HEATR5B: variants seen among roughly 807,000 people sequenced by gnomAD.
The protein encoded by HEATR5B is HEAT repeat containing 5B.
In HEATR5B, 156 loss-of-function variants were observed where a neutral mutation model predicts 224.1. That is an observed-to-expected ratio of 0.70 (90% CI 0.61 to 0.80). HEATR5B has a LOEUF of 0.80. Ranked by LOEUF, HEATR5B falls within the 30% of genes least tolerant of loss-of-function variation. HEATR5B has a pLI of 0.00. For synonymous variants in HEATR5B, 1,027 were observed against 893.0 expected (o/e 1.15, Z -2.68); for missense variants, 2,323 against 2,535.5 (o/e 0.92, Z 1.80).
In HEATR5B at chr2:37,002,480, T is replaced by G. The variant is rs1218154392; in HGVS notation, c.5143A>C (p.Thr1715Pro). 1 of 1,614,240 alleles carries G rather than the reference T, an allele frequency of 6.2e-7. No homozygotes were observed. The highest frequency in any genetic ancestry group is 8.5e-7 in the Non-Finnish European group (1 of 1,180,032). The part of the protein sequence containing the change: ...LIPGKSLVFA[T>P]MELLMFILVR... ...AAAATGAACATCAGCAGCTCCATAGTTGCAAACACAAGAGATTTTCCAGGA... is the reference window on the plus strand; with the variant it reads ...AAAATGAACATCAGCAGCTCCATAGGTGCAAACACAAGAGATTTTCCAGGA... The change falls in exon 32 of 36, where the codon ACT becomes CCT. Residue 1715 changes from threonine to proline, a missense_variant. Physicochemically the swap from Thr to Pro is conservative, Grantham distance 38. Coordinates refer to ENST00000233099, the MANE Select transcript of HEATR5B (RefSeq NM_019024.3).
chr2:37,059,816 A>G (rs1671167859), intron 12 of HEATR5B, among the ~76,000 whole-genome samples: 1 of 152,142 alleles, frequency 6.6e-6, no homozygotes, highest in Non-Finnish European at 1.5e-5. Context: ...ATATATATGT[A>G]TATAAACAAA....
chr2:37,020,596 T>G lies in HEATR5B; in HGVS notation c.4035+59A>C, dbSNP rs1366649688. On this transcript the variant is annotated intron_variant, in intron 25 of 35. Transcript: ENST00000233099. ...ATGCAGTCCTCCAGGAAGTCTGCAC[T>G]TCTTCAGCAATCTTTCAAAAGATCA... The G allele has an allele frequency of 1.4e-5, 19 of 1,320,914 alleles. No individual in the cohort carries two copies. The Admixed American group carries it at 3.7e-4, about 26-fold the overall frequency. The allele number at this position is 1,320,914 out of a possible 1,614,324, so 81.8% of individuals were successfully genotyped here. A position where few individuals can be genotyped will look rare whatever the true frequency, so the allele number is the denominator to read the frequency against.
chr2:37,075,648 CA>C lies in HEATR5B; in HGVS notation c.448-15del, dbSNP rs1672183023. ...TCGCCCTTGAGACTAGACATGTATA[CA>C]AAACAAAACTATTTTGTAAAATAAA... On this transcript the variant is annotated splice_polypyrimidine_tract_variant and intron_variant, in intron 4 of 35. Coordinates refer to ENST00000233099, the MANE Select transcript of HEATR5B (RefSeq NM_019024.3). 6.3e-7 allele frequency: 1 copy of C among 1,580,362 alleles called. No individual in the cohort carries two copies.
rs776379717 is a variant in HEATR5B, at chr2:37,002,545, C to T, written c.5078G>A (p.Cys1693Tyr). ...LNEDDMEKEA[C>Y]TVLGEGGDSG... ...GTCACCTCCTTCTCCCAATACGGTA[C>T]AGGCCTCTTTTTCCATATCATCTTC... Residue 1693 changes from cysteine to tyrosine, a missense_variant, in exon 32 of 36, where the codon TGT becomes TAT. Around this residue, in one of 12 missense-constraint regions of HEATR5B, gnomAD observed 844 missense variants for 812.9 expected, o/e 1.04. Coordinates refer to ENST00000233099, the MANE Select transcript of HEATR5B (RefSeq NM_019024.3). The T allele has an allele frequency of 4.9e-5, 79 of 1,614,020 alleles. No homozygotes were observed. Among genetic ancestry groups the T allele is most frequent in the Middle Eastern group, 1.6e-4 (1 of 6,084 alleles).
chr2:37,077,910 C>T (rs1269928893), intron 3 of HEATR5B, among the ~76,000 whole-genome samples: 1 of 152,120 alleles, frequency 6.6e-6, no homozygotes, highest in Non-Finnish European at 1.5e-5. Context: ...TAACAGAACA[C>T]TTGGAAGAAT....
chr2:37,077,169 C>A lies in HEATR5B; in HGVS notation c.339-150G>T, dbSNP rs149899551. 3.9e-5 allele frequency: 25 copies of A among 637,196 alleles called. 1 individual carries two copies. Among genetic ancestry groups the A allele is most frequent in the Admixed American group, 2.6e-4 (9 of 34,604 alleles). 39.5% of individuals were successfully genotyped at this position (637,196 alleles called of 1,614,324 possible). On this transcript the variant is annotated intron_variant, in intron 3 of 35. Coordinates refer to ENST00000233099, the MANE Select transcript of HEATR5B (RefSeq NM_019024.3). ...ATCAAAAACAATTTATGCTTCATAA[C>A]TGCAACAAATACTATACTCTATTTA...
Position 37,056,457 on chromosome 2 carries a change from A to G in HEATR5B, c.2382T>C (p.His794=). ...SVALFGVVFP[H]VSYKHRLQML... ...ATACTAACCGGTGTTTATAAGAAAC[A>G]TGAGGAAACACTACACCAAAAAGGG... The change falls in exon 16 of 36, where the codon CAT becomes CAC. Residue 794 remains histidine, a synonymous_variant. Transcript: ENST00000233099. 1 of 1,604,624 alleles carries G rather than the reference A, an allele frequency of 6.2e-7. No homozygotes were observed. The highest frequency in any genetic ancestry group is 8.5e-7 in the Non-Finnish European group (1 of 1,177,146).
chr2:37,002,325 T>G lies in HEATR5B; in HGVS notation c.5298A>C (p.Pro1766=). ...AATVTILSDL[P]SLCSPAGCMT... is the part of the protein sequence containing the mutation. ...CCGTACCAGCGGGTGAACAAAGGGATGGTAAATCAGAGAGTATGGTAACTG... is the reference window on the plus strand; with the variant it reads ...CCGTACCAGCGGGTGAACAAAGGGAGGGTAAATCAGAGAGTATGGTAACTG... The change falls in exon 32 of 36, where the codon CCA becomes CCC. Residue 1766 remains proline, a synonymous_variant. Coordinates refer to ENST00000233099, the MANE Select transcript of HEATR5B (RefSeq NM_019024.3). 1 of 1,614,240 alleles carries G rather than the reference T, an allele frequency of 6.2e-7. No homozygotes were observed. The highest frequency in any genetic ancestry group is 1.1e-5 in the South Asian group (1 of 91,090).
intron 18 of HEATR5B, among the ~76,000 whole-genome samples, chr2:37,047,435 G>GT (rs1670276262): frequency 6.6e-6 from 1 of 152,174 alleles, no homozygotes; most frequent in Non-Finnish European, 1.5e-5. Flanking sequence ...TTCTCAAAAA[G>GT]TAACAGGTTA....
intron 16 of HEATR5B, among the ~76,000 whole-genome samples, chr2:37,053,948 C>T (rs918640262): frequency 1.3e-5 from 2 of 151,330 alleles, no homozygotes; most frequent in African/African-American, 4.9e-5. Context: ...TATGTATCTC[C>T]GTGGAAGATT....
At chr2:37,006,920 G>T in intron 29 of HEATR5B, 130 bp downstream of exon 29, 1 of 766,886 alleles carries the variant, frequency 1.3e-6, no homozygotes. Flanking sequence ...ATAAGGTGAG[G>T]TGAAAAATCC....
At chr2:37,017,537 T>C (rs1668195394) in intron 26 of HEATR5B, among the ~76,000 whole-genome samples, 1 of 150,946 alleles carries the variant, frequency 6.6e-6, no homozygotes, top group Non-Finnish European at 1.5e-5. Flanking sequence ...ATACAAAAAA[T>C]TAGCTGGGCA....
intron 17 of HEATR5B, 49 bp downstream of exon 17, chr2:37,053,453 G>T: frequency 2.0e-6 from 2 of 982,864 alleles, no homozygotes; most frequent in South Asian, 1.7e-5. Context: ...CTTATTAAAT[G>T]CATTAATTAA....
chr2:37,033,260 T>C (rs550571126), intron 21 of HEATR5B, among the ~76,000 whole-genome samples: 18 of 152,298 alleles, frequency 1.2e-4, no homozygotes, highest in African/African-American at 3.8e-4. Context: ...AGTCAAATGA[T>C]GGCCTTTTGA....
rs61036576 is a variant in HEATR5B, at chr2:37,082,052, C to CTTTTTTTTTTTTTT, written c.126+1223_126+1236dup. ...ATCAGACATTTGAGGGAAGTATCTA[C>CTTTTTTTTTTTTTT]TTTTTTTTTTTTTTTTTTTTTTTTT... On this transcript the variant is annotated intron_variant, in intron 2 of 35. Coordinates refer to ENST00000233099, the MANE Select transcript of HEATR5B (RefSeq NM_019024.3). Among the ~76,000 whole-genome samples, 2 of 23,944 alleles carry CTTTTTTTTTTTTTT rather than the reference C, an allele frequency of 8.4e-5. 1 individual carries two copies. The highest frequency in any genetic ancestry group is 2.9e-4 in the African/African-American group (2 of 6,784). The allele number at this position is 23,944 out of a possible 152,430, so 15.7% of individuals were successfully genotyped here. A position where few individuals can be genotyped will look rare whatever the true frequency, so the allele number is the denominator to read the frequency against.
intron 21 of HEATR5B, among the ~76,000 whole-genome samples, chr2:37,037,050 T>A (rs564815336): frequency 1.6e-4 from 24 of 150,278 alleles, no homozygotes; most frequent in Non-Finnish European, 3.0e-4. Context: ...ATCTGATGAA[T>A]GAATAAATTA....
Position 37,007,112 on chromosome 2 carries a change from C to G in HEATR5B, c.4715G>C (p.Gly1572Ala). 6.2e-7 allele frequency: 1 copy of G among 1,614,068 alleles called. No individual in the cohort carries two copies. The highest frequency in any genetic ancestry group is 8.5e-7 in the Non-Finnish European group (1 of 1,179,972). ...STSVNLNQASGAVGSAKSLPE... is the reference protein window; with the variant it reads ...STSVNLNQASAAVGSAKSLPE... ...CAAAGATTTAGCACTACCCACTGCT[C>G]CTGATGCCTGGTTTAAATTGACAGA... is the stretch of plus-strand genomic sequence containing the variant. The change falls in exon 29 of 36, where the codon GGA becomes GCA. Residue 1572 changes from glycine (G) to alanine (A), a missense_variant. Physicochemically the swap from Gly to Ala is moderately conservative, Grantham distance 60. This residue lies in a region of HEATR5B where 844 missense variants were observed against 812.9 expected (regional missense o/e 1.04). Coordinates refer to ENST00000233099, the MANE Select transcript of HEATR5B (RefSeq NM_019024.3).
At position 37,008,689 on chromosome 2, in the gene HEATR5B, G is replaced by A. The variant is rs773883201; in HGVS notation, c.4444C>T (p.Arg1482Cys). Residue 1482 changes from arginine to cysteine, a missense_variant, in exon 28 of 36, where the codon CGC becomes TGC. Arg to Cys is a radical substitution (Grantham distance 180, BLOSUM62 -3). Around this residue, in one of 12 missense-constraint regions of HEATR5B, gnomAD observed 844 missense variants for 812.9 expected, o/e 1.04. Transcript: ENST00000233099. Reference protein sequence around the residue: ...LVQPELPTLSRLWLAALKDYA... With the variant: ...LVQPELPTLSCLWLAALKDYA... ...TCTTTTAATGCTGCTAACCACAGGC[G>A]ACTGAGTGTTGGTAGTTCAGGTTGT... The A allele has an allele frequency of 8.1e-6, 13 of 1,613,958 alleles. No homozygotes were observed. Among genetic ancestry groups the A allele is most frequent in the East Asian group, 2.2e-5 (1 of 44,888 alleles).
intron 21 of HEATR5B, among the ~76,000 whole-genome samples, chr2:37,034,014 C>T (rs1382945667): frequency 1.3e-5 from 2 of 152,074 alleles, no homozygotes; most frequent in Admixed American, 6.5e-5. Context: ...GAGAAGAACA[C>T]ATGTATGGAA....
Sources: allele counts gnomAD v4.1 joint callset (sites outside exome capture counted in the v4.1 genomes callset), GRCh38; gene constraint gnomAD v4.1.1; regional missense constraint gnomAD v4.1.1; transcripts MANE v1.5; gene names NCBI Gene and HGNC (gene_info 2026-07-23, HGNC 2026-07-21).